SLC39A12: variants seen among roughly 807,000 people sequenced by gnomAD.
SLC39A12 encodes solute carrier family 39 member 12.
Under a neutral mutation model 71.1 loss-of-function variants are expected in SLC39A12, and 63 were observed. The ratio of observed to expected loss-of-function variants is 0.89; its 90% CI spans 0.72 to 1.09. The LOEUF (loss-of-function observed/expected upper bound fraction) is 1.09, where lower values mean the gene tolerates loss of function less well. Among genes scored for constraint, SLC39A12 ranks in the 50% least tolerant of loss-of-function variants. The probability of loss-of-function intolerance (pLI) is 0.00; values close to 1 mark genes in which losing one functional copy is unlikely to be tolerated. For missense variants in SLC39A12, 892 were observed against 812.6 expected, an observed-to-expected ratio of 1.10 and a Z score of -1.19; for synonymous variants, 351 against 301.3, an observed-to-expected ratio of 1.16 and a Z score of -1.71.
chr10:18,042,517 A>G (rs528155177), intron 12 of SLC39A12, among the ~76,000 whole-genome samples, 188 bp from the exon 13 acceptor site: 2 of 152,036 alleles, frequency 1.3e-5, no homozygotes, highest in African/African-American at 2.4e-5. Context: ...CATAACCACA[A>G]TCAAATGGCT....
rs1835273034 is a variant in SLC39A12, at chr10:17,982,009, C to G, written c.1096+526C>G. On this transcript the variant is annotated intron_variant, in intron 6 of 12. Transcript: ENST00000377369. ...TTTCTCCCCAAGACTGTTTCTTTTC[C>G]AGCCCAGTGGAAAGCAGTGATATCC... Among the ~76,000 whole-genome samples the G allele has an allele frequency of 2.6e-5, 4 of 152,106 alleles. No homozygotes were observed. The South Asian group carries it at 6.2e-4, about 24-fold the overall frequency.
chr10:18,041,819 A>T (rs906980426), intron 12 of SLC39A12, among the ~76,000 whole-genome samples: 2 of 139,778 alleles, frequency 1.4e-5, no homozygotes, highest in Non-Finnish European at 3.1e-5. Flanking sequence ...ATGTATACGT[A>T]TATGTATGTA....
At chr10:18,030,401 C>A (rs1836807409) in intron 12 of SLC39A12, among the ~76,000 whole-genome samples, 1 of 151,676 alleles carries the variant, frequency 6.6e-6, no homozygotes, top group African/African-American at 2.4e-5. Flanking sequence ...CCACACCCAG[C>A]CAATTTTTTG....
chr10:17,985,938 G>A (rs1049492828), intron 6 of SLC39A12, among the ~76,000 whole-genome samples: 1 of 152,120 alleles, frequency 6.6e-6, no homozygotes, highest in African/African-American at 2.4e-5. Context: ...ATTATCGACT[G>A]TTACACATTC....
At chr10:17,977,285 A>G (rs1835133958) in intron 4 of SLC39A12, among the ~76,000 whole-genome samples, 1 of 151,512 alleles carries the variant, frequency 6.6e-6, no homozygotes, top group South Asian at 2.1e-4. Flanking sequence ...TGCTGAATCC[A>G]ACATCTGGAA....
intron 2 of SLC39A12, among the ~76,000 whole-genome samples, chr10:17,956,468 T>C (rs1403160379): frequency 6.6e-6 from 1 of 152,204 alleles, no homozygotes; most frequent in Non-Finnish European, 1.5e-5. Flanking sequence ...TGGACATACA[T>C]GTTCTCCTTA....
At chr10:18,008,045 G>T (rs1836082435) in intron 12 of SLC39A12, among the ~76,000 whole-genome samples, 1 of 152,156 alleles carries the variant, frequency 6.6e-6, no homozygotes, top group Admixed American at 6.5e-5. Context: ...TTCACTGTTG[G>T]TTGATCCACT....
At chr10:17,974,979 C>T (rs138920304) in intron 4 of SLC39A12, among the ~76,000 whole-genome samples, 1,903 of 152,294 alleles carry the variant, frequency 0.012, 30 homozygotes, top group Non-Finnish European at 0.015. Flanking sequence ...AATCACAAGA[C>T]GTAGTCCTTC....
intron 6 of SLC39A12, 42 bp from the exon 7 acceptor site, chr10:17,987,437 G>A (rs749919546): frequency 6.3e-7 from 1 of 1,595,948 alleles, no homozygotes; most frequent in South Asian, 1.1e-5. Context: ...CGGAATGGAG[G>A]GCACTGGGCA....
chr10:17,968,033 C>T (rs998003844), intron 4 of SLC39A12, among the ~76,000 whole-genome samples: 1 of 150,992 alleles, frequency 6.6e-6, no homozygotes, highest in African/African-American at 2.4e-5. Context: ...TTTCATCTAT[C>T]TTCTAGCTGA....
chr10:17,953,408 A>C lies in SLC39A12; in HGVS notation c.132A>C (p.Ala44=), dbSNP rs202234891. 5.8e-5 allele frequency: 93 copies of C among 1,614,198 alleles called. 1 individual carries two copies. Among genetic ancestry groups the C allele is most frequent in the Middle Eastern group, 3.3e-4 (2 of 6,062 alleles). ...GCCGTGGGAGTTCAGGCCAACCGGC[A>C]GACCTGCTACAGGTTCTCTCTGCTG... The part of the protein sequence containing the change: ...SRSRGSSGQP[A]DLLQVLSAGD... The change falls in exon 2 of 13, where the codon GCA becomes GCC. Residue 44 remains alanine, a synonymous_variant. Transcript: ENST00000377369.
intron 7 of SLC39A12, among the ~76,000 whole-genome samples, chr10:17,990,202 A>G (rs2130823889): frequency 6.6e-6 from 1 of 152,272 alleles, no homozygotes; most frequent in Non-Finnish European, 1.5e-5. Context: ...TTAGGTGGGT[A>G]TCCTTAAATG....
intron 12 of SLC39A12, among the ~76,000 whole-genome samples, chr10:18,009,113 C>G (rs1836124551): frequency 6.6e-6 from 1 of 152,184 alleles, no homozygotes; most frequent in African/African-American, 2.4e-5. Context: ...TATTTTGGAT[C>G]TGAAGCAATG....
At chr10:18,010,570 A>T (rs946361413) in intron 12 of SLC39A12, 1 of 152,186 alleles carries the variant, frequency 6.6e-6, no homozygotes, top group Non-Finnish European at 1.5e-5. Context: ...TGTAAAAATC[A>T]GTCAAACCCC....
intron 8 of SLC39A12, among the ~76,000 whole-genome samples, chr10:17,992,499 C>A (rs1052252673): frequency 1.3e-5 from 2 of 152,120 alleles, no homozygotes; most frequent in Non-Finnish European, 2.9e-5. Flanking sequence ...ACAGTACTTA[C>A]CCTAAAAGTT....
At chr10:18,022,130 G>T (rs1375134313) in intron 12 of SLC39A12, among the ~76,000 whole-genome samples, 7 of 151,990 alleles carry the variant, frequency 4.6e-5, no homozygotes, top group African/African-American at 1.7e-4. Context: ...TCTTGCAAGG[G>T]TGCTCTTCTC....
chr10:17,998,164 G>A (rs965703991), intron 10 of SLC39A12, among the ~76,000 whole-genome samples: 3 of 152,156 alleles, frequency 2.0e-5, no homozygotes, highest in African/African-American at 7.2e-5. Flanking sequence ...TATACACAGT[G>A]TGTTCTTTAT....
chr10:17,982,916 C>T (rs1184222309), intron 6 of SLC39A12, among the ~76,000 whole-genome samples: 2 of 152,054 alleles, frequency 1.3e-5, no homozygotes, highest in Admixed American at 1.3e-4. Flanking sequence ...AGGGGCCAGG[C>T]GCGGTGGCTC....
chr10:18,010,790 T>C (rs908946584), intron 12 of SLC39A12, among the ~76,000 whole-genome samples: 2 of 152,178 alleles, frequency 1.3e-5, no homozygotes, highest in African/African-American at 2.4e-5. Context: ...CAGTTGGCCC[T>C]AGAACAACAT....
Sources: gnomAD v4.1 joint callset for allele counts (sites outside exome capture counted in the v4.1 genomes callset) on GRCh38, gnomAD v4.1.1 for gene constraint, MANE v1.5 for transcripts, NCBI Gene and HGNC (gene_info 2026-07-23, HGNC 2026-07-21) for gene names.